Variants in OTOP2 observed in about 807,000 individuals in gnomAD.
OTOP2 encodes the protein proton channel OTOP2.
Under a neutral mutation model 47.4 loss-of-function variants are expected in OTOP2, and 41 were observed. The ratio of observed to expected loss-of-function variants is 0.87; its 90% CI spans 0.67 to 1.12. The LOEUF is 1.12. Ranked by LOEUF, OTOP2 falls within the 50% of genes most tolerant of loss-of-function variation. OTOP2 has a pLI of 0.00. For synonymous variants in OTOP2, 328 were observed against 319.6 expected (o/e 1.03, Z -0.28); for missense variants, 721 against 752.2 (o/e 0.96, Z 0.49).
chr17:74,925,147 G>A (rs1465705131), intron 2 of OTOP2, among the ~76,000 whole-genome samples: 1 of 152,122 alleles, frequency 6.6e-6, no homozygotes, highest in South Asian at 2.1e-4. Flanking sequence ...TGAATAGAGG[G>A]ATGGAAGGGG....
rs1270679132 is a variant in OTOP2 at position 74,930,159 on chromosome 17, A to G, written c.644-120A>G. On this transcript the variant is annotated intron_variant, in intron 5 of 6. Coordinates refer to ENST00000331427, the MANE Select transcript of OTOP2 (RefSeq NM_178160.3). This position sits in a 1 kb window ranked among gnomAD's most constrained non-coding sequence, Gnocchi z 4.0. ...GATCACACCATTGCACTCCAGCCTG[A>G]GCATCAAGAGTGAAACTCCGTCTCA... is the stretch of plus-strand genomic sequence containing the variant. 3 of 1,131,092 alleles carry G rather than the reference A, an allele frequency of 2.7e-6. No individual in the cohort carries two copies. Among genetic ancestry groups the G allele is most frequent in the South Asian group, 1.6e-5 (1 of 63,102 alleles). 70.1% of individuals were successfully genotyped at this position (1,131,092 alleles called of 1,614,324 possible). A position where few individuals can be genotyped will look rare whatever the true frequency, so the allele number is the denominator to read the frequency against.
chr17:74,927,910 A>G (rs541262028), intron 5 of OTOP2, 112 bp downstream of exon 5: 3 of 1,364,586 alleles, frequency 2.2e-6, no homozygotes, highest in Admixed American at 4.9e-5. Flanking sequence ...GGCAAAGGAC[A>G]GAGCCAGGGT....
chr17:74,927,282 G>C lies in OTOP2; in HGVS notation c.509+1G>C. ...TTCACGTCCACCTGGATCTGACCTG[G>C]TGAGAACTGCAGCTCGATGCCTGTA... On this transcript the variant is annotated splice_donor_variant, in intron 4 of 6. Transcript: ENST00000331427. LOFTEE classifies it high-confidence loss of function. 3.1e-6 allele frequency: 5 copies of C among 1,612,374 alleles called. No homozygotes were observed. The South Asian group carries it at 5.5e-5, about 18-fold the overall frequency.
chr17:74,932,651 G>A (rs2039070413), intron 6 of OTOP2, among the ~76,000 whole-genome samples: 2 of 152,178 alleles, frequency 1.3e-5, no homozygotes, highest in Non-Finnish European at 2.9e-5. Flanking sequence ...CTTGCTCCAG[G>A]CATCTGAGCC....
In OTOP2 at chr17:74,930,630, A is replaced by G; in HGVS notation, c.995A>G (p.Asn332Ser). The G allele has an allele frequency of 6.2e-7, 1 of 1,613,932 alleles. No homozygotes were observed. The highest frequency in any genetic ancestry group is 8.5e-7 in the Non-Finnish European group (1 of 1,180,012). Residue 332 changes from asparagine to serine, a missense_variant, in exon 6 of 7, where the codon AAC (asparagine) becomes AGC (serine). By Grantham distance (46) the Asn-to-Ser change is conservative (BLOSUM62 1). Transcript: ENST00000331427. The surrounding 1 kb of genome is among the most constrained non-coding windows in gnomAD (Gnocchi z 4.0). The part of the protein sequence containing the change: ...RQALVIYYSF[N>S]IVCLGLTTLV... Reference sequence around the variant, plus strand: ...GCCCTGGTCATCTACTACAGCTTCAACATTGTCTGCTTGGGACTCACCACC... The same window carrying G: ...GCCCTGGTCATCTACTACAGCTTCAGCATTGTCTGCTTGGGACTCACCACC...
At position 74,933,579 on chromosome 17, in the gene OTOP2, G is replaced by C; in HGVS notation, c.*34G>C. 1 of 1,553,814 alleles carries C rather than the reference G, an allele frequency of 6.4e-7. No homozygotes were observed. The highest frequency in any genetic ancestry group is 1.3e-5 in the African/African-American group (1 of 74,310). ...ACAGAGGCATGGGGGGCAGGAAGAG[G>C]GGGCTCAGCTCATGTGCCCACTCAG... On this transcript the variant is annotated 3_prime_UTR_variant, in exon 7 of 7. Coordinates refer to ENST00000331427, the MANE Select transcript of OTOP2 (RefSeq NM_178160.3). This position sits in a 1 kb window ranked among gnomAD's most constrained non-coding sequence, Gnocchi z 4.7.
intron 3 of OTOP2, 87 bp downstream of exon 3, chr17:74,925,779 T>C: frequency 1.3e-6 from 2 of 1,558,566 alleles, no homozygotes; most frequent in Non-Finnish European, 1.7e-6. Flanking sequence ...AGACCTGAGC[T>C]CCATCCGCCT....
In OTOP2 at chr17:74,931,211, C is replaced by G. The variant is rs1598595610; in HGVS notation, c.1518+58C>G. On this transcript the variant is annotated intron_variant, in intron 6 of 6. Coordinates refer to ENST00000331427, the MANE Select transcript of OTOP2 (RefSeq NM_178160.3). ...GGAGAAGAGACTGAGGAAGGATGCT[C>G]TTGCAGGCTTAAGCCCTTAGCCTTC... The G allele has an allele frequency of 2.0e-5, 31 of 1,531,628 alleles. No individual in the cohort carries two copies. In the East Asian group the frequency reaches 2.3e-4, roughly 11 times the overall value. 94.9% of individuals were successfully genotyped at this position (1,531,628 alleles called of 1,614,324 possible).
At chr17:74,927,078 A>C (rs1313597073) in intron 3 of OTOP2, 145 bp from the exon 4 acceptor site, 2 of 807,596 alleles carry the variant, frequency 2.5e-6, no homozygotes, top group East Asian at 2.5e-5. Context: ...CCCAGCCTCC[A>C]CCTCATTTTG....
Position 74,931,165 on chromosome 17 carries a change from G to A in OTOP2, c.1518+12G>A, listed in dbSNP as rs139353371. ...TCTGCAATGTCATTGTGAGTAGCTG[G>A]GGGGAGAAAGGGTGGGCTTGGGAGA... On this transcript the variant is annotated intron_variant, in intron 6 of 6. Coordinates refer to ENST00000331427, the MANE Select transcript of OTOP2 (RefSeq NM_178160.3). The A allele has an allele frequency of 1.3e-6, 2 of 1,566,022 alleles. No individual in the cohort carries two copies. Among genetic ancestry groups the A allele is most frequent in the Non-Finnish European group, 8.7e-7 (1 of 1,153,478 alleles).
intron 6 of OTOP2, among the ~76,000 whole-genome samples, chr17:74,932,496 T>C (rs1567946346): frequency 6.6e-6 from 1 of 152,232 alleles, no homozygotes. Flanking sequence ...CATCAATCTC[T>C]GACCCTACCA....
chr17:74,925,417 G>T, intron 2 of OTOP2, 139 bp from the exon 3 acceptor site: 22 of 975,462 alleles, frequency 2.3e-5, no homozygotes, highest in Non-Finnish European at 3.0e-5. Context: ...CCTCCCCATT[G>T]ATCCATCCAA....
At position 74,924,508 on chromosome 17, in the gene OTOP2, C is replaced by T. The variant is rs1030289300; in HGVS notation, c.-33-92C>T. On this transcript the variant is annotated intron_variant, in intron 1 of 6. Transcript: ENST00000331427. This position sits in a 1 kb window ranked among gnomAD's most constrained non-coding sequence, Gnocchi z 7.7. ...CACCCGAAGCCCCAACCCTGCGGGT[C>T]AGGAACTCCCTAGTCCCCAAGTCTA... 5.0e-6 allele frequency: 6 copies of T among 1,196,128 alleles called. No individual in the cohort carries two copies. The African/African-American group carries it at 9.3e-5, about 19-fold the overall frequency. The allele number at this position is 1,196,128 out of a possible 1,614,324, so 74.1% of individuals were successfully genotyped here. A position where few individuals can be genotyped will look rare whatever the true frequency, so the allele number is the denominator to read the frequency against.
chr17:74,924,728 G>C lies in OTOP2; in HGVS notation c.96G>C (p.Ser32=), dbSNP rs1440007818. 1.2e-6 allele frequency: 2 copies of C among 1,608,176 alleles called. No individual in the cohort carries two copies. The highest frequency in any genetic ancestry group is 2.2e-5 in the South Asian group (2 of 90,152). Residue 32 remains serine (S), a synonymous_variant, in exon 2 of 7, where the codon TCG becomes TCC. Transcript: ENST00000331427. The surrounding 1 kb of genome is among the most constrained non-coding windows in gnomAD (Gnocchi z 7.7). ...EVWKKGGRLL[S]VLLAVNVLLL... ...GGAAGAAGGGTGGCCGCCTGCTGTC[G>C]GTGCTGCTGGCGGTGAACGTGCTGC...
chr17:74,924,472 G>A lies in OTOP2; in HGVS notation c.-33-128G>A. 1.3e-6 allele frequency: 1 copy of A among 762,376 alleles called. No individual in the cohort carries two copies. The highest frequency in any genetic ancestry group is 2.0e-6 in the Non-Finnish European group (1 of 502,584). The allele number at this position is 762,376 out of a possible 1,614,324, so 47.2% of individuals were successfully genotyped here. ...GCATTTTCTCTTCCCCTTTCCCAGC[G>A]CTTCCTCCAGCACCCGAAGCCCCAA... On this transcript the variant is annotated intron_variant, in intron 1 of 6. Transcript: ENST00000331427. This position sits in a 1 kb window ranked among gnomAD's most constrained non-coding sequence, Gnocchi z 7.7.
rs749090904 is a variant in OTOP2, at chr17:74,927,783, C to A, written c.628C>A (p.Arg210Ser). 3 of 1,613,916 alleles carry A rather than the reference C, an allele frequency of 1.9e-6. No individual in the cohort carries two copies. Among genetic ancestry groups the A allele is most frequent in the African/African-American group, 2.7e-5 (2 of 74,926 alleles). Residue 210 changes from arginine to serine, a missense_variant, in exon 5 of 7, where the codon CGT (arginine) becomes AGT (serine). Coordinates refer to ENST00000331427, the MANE Select transcript of OTOP2 (RefSeq NM_178160.3). Reference protein sequence around the residue: ...SSSHSNASHARLISDQHADNP... With the variant: ...SSSHSNASHASLISDQHADNP... ...TTCTCACAGCAACGCCAGCCACGCC[C>A]GTCTCATCTCTGACCGTGAGTTTCC...
At position 74,927,647 on chromosome 17, in the gene OTOP2, A is replaced by G; in HGVS notation, c.510-18A>G. The G allele has an allele frequency of 6.2e-7, 1 of 1,605,410 alleles. No homozygotes were observed. The highest frequency in any genetic ancestry group is 8.5e-7 in the Non-Finnish European group (1 of 1,175,168). On this transcript the variant is annotated intron_variant, in intron 4 of 6. Transcript: ENST00000331427. ...AAGGGTCACAGGCCTCTTTGTCCCC[A>G]CCCCTGACCCCAAACAGGTGTGGTC...
Position 74,933,002 on chromosome 17 carries a change from C to T in OTOP2, c.1519-373C>T, listed in dbSNP as rs539882686. On this transcript the variant is annotated intron_variant, in intron 6 of 6. Transcript: ENST00000331427. This position sits in a 1 kb window ranked among gnomAD's most constrained non-coding sequence, Gnocchi z 4.7. The stretch of plus-strand genomic sequence containing the variant: ...CCTATCTGATTCTGCCACCCCCACC[C>T]CTGTGCACAAAACCCCCCAGGACAG... Among the ~76,000 whole-genome samples the T allele has an allele frequency of 6.6e-6, 1 of 152,054 alleles. No individual in the cohort carries two copies. The highest frequency in any genetic ancestry group is 1.5e-5 in the Non-Finnish European group (1 of 68,008).
Position 74,924,448 on chromosome 17 carries a change from C to T in OTOP2, c.-34+115C>T, listed in dbSNP as rs1258303697. On this transcript the variant is annotated intron_variant, in intron 1 of 6. Coordinates refer to ENST00000331427, the MANE Select transcript of OTOP2 (RefSeq NM_178160.3). The surrounding 1 kb of genome is among the most constrained non-coding windows in gnomAD (Gnocchi z 7.7). ...CATCCAGCGAGAGGGGCAGGTTCCGCATTTTCTCTTCCCCTTTCCCAGCGC... is the reference window on the plus strand; with the variant it reads ...CATCCAGCGAGAGGGGCAGGTTCCGTATTTTCTCTTCCCCTTTCCCAGCGC... 2.0e-5 allele frequency: 13 copies of T among 651,090 alleles called. No individual in the cohort carries two copies. The highest frequency in any genetic ancestry group is 3.7e-5 in the African/African-American group (2 of 54,124). 40.3% of individuals were successfully genotyped at this position (651,090 alleles called of 1,614,324 possible).
Sources: gnomAD v4.1 joint callset for allele counts (sites outside exome capture counted in the v4.1 genomes callset) on GRCh38, gnomAD v4.1.1 for gene constraint, Gnocchi (gnomAD v3.1) non-coding constraint, MANE v1.5 for transcripts, NCBI Gene and HGNC (gene_info 2026-07-23, HGNC 2026-07-21) for gene names.